GRAMD2B: variants seen among roughly 807,000 people sequenced by gnomAD.
GRAMD2B encodes GRAM domain containing 2B, also known as GRAM domain-containing protein 2B.
In GRAMD2B, 41 loss-of-function variants were observed where a neutral mutation model predicts 59.2. The observed-to-expected ratio is 0.69, with a 90% confidence interval of 0.54 to 0.90. The LOEUF (loss-of-function observed/expected upper bound fraction) is 0.90, where lower values mean the gene tolerates loss of function less well. Among genes scored for constraint, GRAMD2B ranks in the 40% least tolerant of loss-of-function variants. The pLI is 0.00. For missense variants in GRAMD2B, 424 were observed against 500.5 expected (o/e 0.85, Z 1.46); for synonymous variants, 161 against 182.7 (o/e 0.88, Z 0.96).
At chr5:126,465,723 G>T (rs565139518) in intron 2 of GRAMD2B, among the ~76,000 whole-genome samples, 178 bp downstream of exon 2, 2 of 152,242 alleles carry the variant, frequency 1.3e-5, no homozygotes, top group East Asian at 3.9e-4. Context: ...TCTCCCTCCT[G>T]CCCCAGCCTT....
At chr5:126,450,715 G>A (rs767575722) in intron 1 of GRAMD2B, among the ~76,000 whole-genome samples, 16 of 150,116 alleles carry the variant, frequency 1.1e-4, no homozygotes, top group East Asian at 2.0e-4. Flanking sequence ...TGGCTCTAGC[G>A]TCAGCTCAAA....
rs374129276 is a variant in GRAMD2B, at chr5:126,424,825, A to G, written c.83+1136A>G. Among the ~76,000 whole-genome samples the G allele has an allele frequency of 5.6e-4, 86 of 152,344 alleles. No homozygotes were observed. In the South Asian group the frequency reaches 0.013, roughly 23 times the overall value. On this transcript the variant is annotated intron_variant, in intron 1 of 13. Coordinates refer to ENST00000285689, the MANE Select transcript of GRAMD2B (RefSeq NM_023927.4). ...CACAAAGAATGAGGCAGGTGCTATT[A>G]TTTCCATGTTGCAGATAAAAGCACT...
chr5:126,457,064 C>T (rs1054900382), intron 1 of GRAMD2B, among the ~76,000 whole-genome samples: 11 of 151,750 alleles, frequency 7.2e-5, no homozygotes, highest in African/African-American at 2.4e-4. Context: ...TGGTGGCAGG[C>T]GCCTGTAGTC....
exon 1 of GRAMD2B, chr5:126,360,448 G>A (rs11241887): frequency 0.96 from 1,485,155 of 1,550,936 alleles, 711,955 homozygotes; most frequent in East Asian, 1. Flanking sequence ...CAGTGGGTCC[G>A]GACCTGGAAC....
upstream of GRAMD2B, among the ~76,000 whole-genome samples, chr5:126,419,555 T>C (rs1759541324): frequency 6.6e-6 from 1 of 152,108 alleles, no homozygotes; most frequent in African/African-American, 2.4e-5. Context: ...AAATCTCCAC[T>C]CAAGTCTCCA....
intron 1 of GRAMD2B, among the ~76,000 whole-genome samples, chr5:126,381,518 T>C (rs779587845): frequency 8.5e-5 from 13 of 152,198 alleles, no homozygotes; most frequent in Non-Finnish European, 1.6e-4. Flanking sequence ...TCCTACTTAC[T>C]TTTGGTGTCC....
intron 1 of GRAMD2B, among the ~76,000 whole-genome samples, chr5:126,449,189 A>C (rs2126664281): frequency 6.6e-6 from 1 of 152,366 alleles, no homozygotes; most frequent in East Asian, 1.9e-4. Flanking sequence ...TATTTCCTTG[A>C]AAGTGGTACT....
intron 1 of GRAMD2B, among the ~76,000 whole-genome samples, chr5:126,442,899 T>G (rs1037245061): frequency 1.3e-5 from 2 of 152,168 alleles, no homozygotes; most frequent in Non-Finnish European, 1.5e-5. Flanking sequence ...AACTCAGATG[T>G]GGCCCATATT....
intron 1 of GRAMD2B, among the ~76,000 whole-genome samples, chr5:126,386,277 A>G (rs1189785818): frequency 6.6e-6 from 1 of 152,196 alleles, no homozygotes; most frequent in Non-Finnish European, 1.5e-5. Context: ...GCATGATTCC[A>G]TGCTCTCCAA....
intron 1 of GRAMD2B, among the ~76,000 whole-genome samples, chr5:126,386,940 G>C (rs1458417497): frequency 6.6e-6 from 1 of 152,112 alleles, no homozygotes; most frequent in Non-Finnish European, 1.5e-5. Flanking sequence ...AAATTCTAAG[G>C]TTTTGTTTTA....
intron 10 of GRAMD2B, among the ~76,000 whole-genome samples, chr5:126,485,371 C>A (rs1772708611): frequency 6.6e-6 from 1 of 152,074 alleles, no homozygotes; most frequent in Non-Finnish European, 1.5e-5. Flanking sequence ...TCCAGTAAAA[C>A]TCAAATTTCT....
At chr5:126,486,851 T>C (rs1402016890) in intron 11 of GRAMD2B, 22 bp from the exon 12 acceptor site, 2 of 1,479,970 alleles carry the variant, frequency 1.4e-6, no homozygotes, top group African/African-American at 1.4e-5. Context: ...CTAACGAAAG[T>C]TTCTCTTTCA....
At chr5:126,460,282 A>G (rs1357246112) in intron 1 of GRAMD2B, among the ~76,000 whole-genome samples, 1 of 152,252 alleles carries the variant, frequency 6.6e-6, no homozygotes, top group Non-Finnish European at 1.5e-5. Flanking sequence ...CTGGGTCACC[A>G]TGAAACAGGG....
upstream of GRAMD2B, among the ~76,000 whole-genome samples, chr5:126,369,887 C>T (rs1353266445): frequency 2.0e-5 from 3 of 152,222 alleles, no homozygotes; most frequent in Non-Finnish European, 4.4e-5. Flanking sequence ...AACTCCCATG[C>T]AGGTTGTTGC....
upstream of GRAMD2B, among the ~76,000 whole-genome samples, chr5:126,367,897 T>G (rs1018719626): frequency 7.9e-5 from 12 of 152,060 alleles, no homozygotes; most frequent in East Asian, 1.4e-3. Context: ...GACTACAGGC[T>G]CCCGCCACCA....
upstream of GRAMD2B, among the ~76,000 whole-genome samples, chr5:126,366,846 C>CTTTTTTTTTTTTTTTTTTT (rs59718576): frequency 4.6e-5 from 5 of 107,682 alleles, no homozygotes; most frequent in Non-Finnish European, 8.9e-5. Flanking sequence ...CAGACCAAGG[C>CTTTTTTTTTTTTTTTTTTT]TTTTTTTTTT....
At chr5:126,442,017 A>G (rs1340440407) in intron 1 of GRAMD2B, among the ~76,000 whole-genome samples, 1 of 151,964 alleles carries the variant, frequency 6.6e-6, no homozygotes, top group Non-Finnish European at 1.5e-5. Flanking sequence ...CTTTTTATGT[A>G]AAAAATCTAT....
intron 1 of GRAMD2B, among the ~76,000 whole-genome samples, chr5:126,400,865 G>C (rs1757773551): frequency 6.6e-6 from 1 of 151,998 alleles, no homozygotes; most frequent in African/African-American, 2.4e-5. Context: ...TTCTCTTGCT[G>C]TTTTCAAAAC....
intron 1 of GRAMD2B, among the ~76,000 whole-genome samples, chr5:126,458,114 A>G (rs569043784): frequency 6.6e-6 from 1 of 152,192 alleles, no homozygotes; most frequent in African/African-American, 2.4e-5. Flanking sequence ...AGAAATGGCA[A>G]TCCTTGGTTG....
Sources: allele counts gnomAD v4.1 joint callset (sites outside exome capture counted in the v4.1 genomes callset), GRCh38; gene constraint gnomAD v4.1.1; transcripts MANE v1.5; gene names NCBI Gene and HGNC (gene_info 2026-07-23, HGNC 2026-07-21).